SLC23A2: variants seen among roughly 807,000 people sequenced by gnomAD.
SLC23A2 encodes the protein Na(+)/L-ascorbic acid transporter 2.
SLC23A2 carries 36 observed loss-of-function variants against 73.3 expected under a neutral mutation model. The observed-to-expected ratio is 0.49, with a 90% CI of 0.38 to 0.65. The LOEUF is 0.65. Among genes scored for constraint, SLC23A2 ranks in the 30% least tolerant of loss-of-function variants. The pLI, the probability that SLC23A2 is intolerant of heterozygous loss-of-function variation, is 0.00. For missense variants in SLC23A2, 507 were observed against 841.6 expected, an observed-to-expected ratio of 0.60 and a Z score of 4.92; for synonymous variants, 343 against 327.3, an observed-to-expected ratio of 1.05 and a Z score of -0.52.
chr20:4,981,550 T>C (rs898248138), intron 1 of SLC23A2, among the ~76,000 whole-genome samples: 5 of 152,278 alleles, frequency 3.3e-5, no homozygotes, highest in African/African-American at 1.2e-4. Context: ...TCCCAGGTGA[T>C]CGCAATTTGC....
intron 6 of SLC23A2, among the ~76,000 whole-genome samples, chr20:4,887,813 C>T (rs760739958): frequency 9.2e-5 from 14 of 152,216 alleles, no homozygotes; most frequent in Admixed American, 3.9e-4. Context: ...GCTGTTAAGA[C>T]GCCAGCACTA....
At position 4,857,213 on chromosome 20, in the gene SLC23A2, C is replaced by A. The variant is rs1236718524; in HGVS notation, c.1721-9G>T. On this transcript the variant is annotated splice_polypyrimidine_tract_variant and intron_variant, in intron 16 of 16. Coordinates refer to ENST00000338244, the MANE Select transcript of SLC23A2 (RefSeq NM_005116.6). This position sits in a 1 kb window ranked among gnomAD's most constrained non-coding sequence, Gnocchi z 4.0. ...TCTTTCCTCTGGAGTGCCTGTCACA[C>A]ATCCCAAGATAGAACAAAGGAATGC... 6.5e-7 allele frequency: 1 copy of A among 1,549,564 alleles called. No homozygotes were observed. The highest frequency in any genetic ancestry group is 8.8e-7 in the Non-Finnish European group (1 of 1,130,680).
intron 13 of SLC23A2, among the ~76,000 whole-genome samples, chr20:4,867,017 C>T (rs992471327): frequency 2.1e-4 from 31 of 150,812 alleles, no homozygotes; most frequent in African/African-American, 6.6e-4. Flanking sequence ...TTGCCCAGCC[C>T]CCCATGGTCT....
Position 4,862,227 on chromosome 20 carries a change from T to C in SLC23A2, c.1487-142A>G. 1 of 811,690 alleles carries C rather than the reference T, an allele frequency of 1.2e-6. No homozygotes were observed. The highest frequency in any genetic ancestry group is 1.8e-5 in the South Asian group (1 of 56,286). The allele number at this position is 811,690 out of a possible 1,614,324, so 50.3% of individuals were successfully genotyped here. A position where few individuals can be genotyped will look rare whatever the true frequency, so the allele number is the denominator to read the frequency against. On this transcript the variant is annotated intron_variant, in intron 14 of 16. Coordinates refer to ENST00000338244, the MANE Select transcript of SLC23A2 (RefSeq NM_005116.6). This position sits in a 1 kb window ranked among gnomAD's most constrained non-coding sequence, Gnocchi z 5.1. ...CAGTGCAGGGACAGGAAGGGGGACGTGTGGGGTCAGACTGTAGCCACCCTG... is the reference window on the plus strand; with the variant it reads ...CAGTGCAGGGACAGGAAGGGGGACGCGTGGGGTCAGACTGTAGCCACCCTG...
intron 1 of SLC23A2, among the ~76,000 whole-genome samples, chr20:4,981,653 G>A (rs1049561321): frequency 2.6e-5 from 4 of 151,870 alleles, no homozygotes; most frequent in Admixed American, 2.6e-4. Context: ...CAGTGGTTGG[G>A]GTTGGCAATT....
Position 4,883,555 on chromosome 20 carries a change from T to C in SLC23A2, c.824+87A>G, listed in dbSNP as rs1008834142. ...TGAAACTGTCAGACCATTCTTATTA[T>C]TGAAAAACATTATCTCCTGAAGTCT... On this transcript the variant is annotated intron_variant, in intron 9 of 16. Coordinates refer to ENST00000338244, the MANE Select transcript of SLC23A2 (RefSeq NM_005116.6). The surrounding 1 kb of genome is among the most constrained non-coding windows in gnomAD (Gnocchi z 4.5). 4 of 951,948 alleles carry C rather than the reference T, an allele frequency of 4.2e-6. No homozygotes were observed. Among genetic ancestry groups the C allele is most frequent in the Non-Finnish European group, 6.2e-6 (4 of 640,968 alleles). 59.0% of individuals were successfully genotyped at this position (951,948 alleles called of 1,614,324 possible).
intron 2 of SLC23A2, among the ~76,000 whole-genome samples, chr20:4,938,181 C>T (rs1466030083): frequency 1.3e-5 from 2 of 151,898 alleles, no homozygotes; most frequent in Non-Finnish European, 2.9e-5. Flanking sequence ...CAGGCATGTG[C>T]CACACCTGGC....
chr20:4,897,986 G>C (rs902945306), intron 6 of SLC23A2, among the ~76,000 whole-genome samples: 2 of 152,226 alleles, frequency 1.3e-5, no homozygotes, highest in Non-Finnish European at 2.9e-5. Flanking sequence ...CCATGGGCAA[G>C]GTAAGGATCC....
At chr20:4,911,492 C>A (rs540949647) in intron 4 of SLC23A2, among the ~76,000 whole-genome samples, 7 of 152,144 alleles carry the variant, frequency 4.6e-5, no homozygotes, top group Admixed American at 1.3e-4. Context: ...CATGCTAATA[C>A]CCAACTCAGG....
chr20:4,921,533 C>T (rs1472120119), intron 3 of SLC23A2, among the ~76,000 whole-genome samples: 4 of 150,982 alleles, frequency 2.6e-5, no homozygotes, highest in Non-Finnish European at 4.4e-5. Context: ...CTGCAGGAAG[C>T]TATGATCATG....
chr20:4,975,538 G>A (rs989676884), intron 1 of SLC23A2, among the ~76,000 whole-genome samples: 5 of 151,726 alleles, frequency 3.3e-5, no homozygotes, highest in African/African-American at 4.8e-5. Context: ...GCACCACCAC[G>A]CCTGGCTAAT....
chr20:4,883,878 C>T lies in SLC23A2; in HGVS notation c.643-55G>A. The T allele has an allele frequency of 8.3e-7, 1 of 1,211,324 alleles. No homozygotes were observed. Among genetic ancestry groups the T allele is most frequent in the Non-Finnish European group, 1.2e-6 (1 of 866,682 alleles). 75.0% of individuals were successfully genotyped at this position (1,211,324 alleles called of 1,614,324 possible). A position where few individuals can be genotyped will look rare whatever the true frequency, so the allele number is the denominator to read the frequency against. ...GTGAGCTGCTTGTACACTGCACACT[C>T]AGAATGTCACCTACAACCACAACTG... On this transcript the variant is annotated intron_variant, in intron 8 of 16. Coordinates refer to ENST00000338244, the MANE Select transcript of SLC23A2 (RefSeq NM_005116.6). This position sits in a 1 kb window ranked among gnomAD's most constrained non-coding sequence, Gnocchi z 4.5.
chr20:4,896,999 A>G (rs1600110022), intron 6 of SLC23A2, among the ~76,000 whole-genome samples: 1 of 150,992 alleles, frequency 6.6e-6, no homozygotes, highest in African/African-American at 2.4e-5. Context: ...CTCAAACACC[A>G]CCTCCTCCAG....
At chr20:4,936,048 T>C (rs960663749) in intron 2 of SLC23A2, among the ~76,000 whole-genome samples, 2 of 152,180 alleles carry the variant, frequency 1.3e-5, no homozygotes, top group African/African-American at 4.8e-5. Flanking sequence ...GATGCAAACA[T>C]TTTATCCCCG....
chr20:4,981,552 G>A (rs918185065), intron 1 of SLC23A2, among the ~76,000 whole-genome samples: 4 of 152,084 alleles, frequency 2.6e-5, no homozygotes, highest in Non-Finnish European at 4.4e-5. Flanking sequence ...CCAGGTGATC[G>A]CAATTTGCTG....
intron 10 of SLC23A2, 143 bp downstream of exon 10, chr20:4,874,433 T>C (rs1930575469): frequency 1.3e-6 from 1 of 747,374 alleles, no homozygotes; most frequent in Non-Finnish European, 2.2e-6. Flanking sequence ...TCTATGATGA[T>C]CTGAGTGGTC....
chr20:4,993,303 G>A (rs1286616471), intron 1 of SLC23A2, among the ~76,000 whole-genome samples: 7 of 42,358 alleles, frequency 1.7e-4, no homozygotes, highest in East Asian at 4.3e-4. Context: ...GCAAGACTCC[G>A]TCTCAAAAAA....
intron 4 of SLC23A2, among the ~76,000 whole-genome samples, chr20:4,909,152 C>T (rs899129281): frequency 1.3e-5 from 2 of 152,158 alleles, no homozygotes; most frequent in Non-Finnish European, 2.9e-5. Flanking sequence ...ATGGAATATA[C>T]ATACAGGTTG....
intron 1 of SLC23A2, among the ~76,000 whole-genome samples, chr20:4,971,779 G>T (rs1001356616): frequency 7.9e-5 from 12 of 151,924 alleles, no homozygotes; most frequent in Non-Finnish European, 1.5e-4. Context: ...AGAGCAACAC[G>T]CCATCTCAAA....
Sources: gnomAD v4.1 joint callset for allele counts (sites outside exome capture counted in the v4.1 genomes callset) on GRCh38, gnomAD v4.1.1 for gene constraint, Gnocchi (gnomAD v3.1) non-coding constraint, MANE v1.5 for transcripts, NCBI Gene and HGNC (gene_info 2026-07-23, HGNC 2026-07-21) for gene names.